The following TESK2 variants were observed in gnomAD, a reference collection of about 807,000 sequenced individuals.
The protein encoded by TESK2 is dual specificity testis-specific protein kinase 2.
Under a neutral mutation model 57.1 loss-of-function variants are expected in TESK2, and 39 were observed. The observed-to-expected ratio is 0.68, with a 90% CI of 0.53 to 0.89. The LOEUF is 0.89. TESK2 is among the 40% of genes least tolerant of loss of function. The probability of loss-of-function intolerance (pLI) is 0.00; values close to 1 mark genes in which losing one functional copy is unlikely to be tolerated. For missense variants in TESK2, 646 were observed against 732.1 expected (o/e 0.88, Z 1.36); for synonymous variants, 249 against 267.9 (o/e 0.93, Z 0.69).
intron 2 of TESK2, among the ~76,000 whole-genome samples, chr1:45,450,251 C>A (rs1422501031): frequency 6.6e-6 from 1 of 152,176 alleles, no homozygotes; most frequent in East Asian, 1.9e-4. Context: ...GTGGCTCACG[C>A]CTGTAATCCC....
chr1:45,343,885 C>T lies in TESK2; in HGVS notation c.*955G>A, dbSNP rs539540614. The T allele has an allele frequency of 4.1e-5, 23 of 554,716 alleles. No individual in the cohort carries two copies. In the South Asian group the frequency reaches 8.2e-4, roughly 20 times the overall value. The allele number at this position is 554,716 out of a possible 1,614,324, so 34.4% of individuals were successfully genotyped here. ...GTACAAGTAAGAAGGCTGACCAGCA[C>T]CTGTAACACTGACTTTATTTTTAAG... On this transcript the variant is annotated 3_prime_UTR_variant, in exon 11 of 11. Transcript: ENST00000372086. This position sits in a 1 kb window ranked among gnomAD's most constrained non-coding sequence, Gnocchi z 4.3.
At chr1:45,442,240 T>C (rs1396216844) in intron 2 of TESK2, among the ~76,000 whole-genome samples, 1 of 152,126 alleles carries the variant, frequency 6.6e-6, no homozygotes, top group East Asian at 1.9e-4. Flanking sequence ...CTGGCCAAAA[T>C]TGTTCATTTT....
rs750074178 is a variant in TESK2, at chr1:45,435,562, ATTTT to A, written c.223-13720_223-13717del. 4.8e-4 allele frequency among the ~76,000 whole-genome samples: 33 copies of A among 68,870 alleles called. No individual in the cohort carries two copies. In the East Asian group the frequency reaches 0.01, roughly 21 times the overall value. 45.2% of individuals were successfully genotyped at this position (68,870 alleles called of 152,430 possible). A position where few individuals can be genotyped will look rare whatever the true frequency, so the allele number is the denominator to read the frequency against. On this transcript the variant is annotated intron_variant, in intron 2 of 10. Transcript: ENST00000372086. ...TATAGGTGTAAGCCACTGTGGTCTA[ATTTT>A]TTTTTTTTTTTTTTTTTTTTTTGTA... is the stretch of plus-strand genomic sequence containing the variant.
chr1:45,438,827 T>C (rs952970586), intron 2 of TESK2, among the ~76,000 whole-genome samples: 5 of 152,092 alleles, frequency 3.3e-5, no homozygotes, highest in Non-Finnish European at 7.4e-5. Flanking sequence ...CAGAAAGGCA[T>C]ACAGAGAAAT....
chr1:45,354,837 T>C (rs201327551), intron 5 of TESK2, among the ~76,000 whole-genome samples: 3 of 98,186 alleles, frequency 3.1e-5, no homozygotes, highest in African/African-American at 4.0e-5. Context: ...TATATATATA[T>C]ATATATATAT....
chr1:45,454,774 A>G (rs1372105649), intron 2 of TESK2, among the ~76,000 whole-genome samples: 2 of 152,198 alleles, frequency 1.3e-5, no homozygotes, highest in Non-Finnish European at 2.9e-5. Flanking sequence ...CACCATCGAC[A>G]GATAAAATAT....
intron 3 of TESK2, among the ~76,000 whole-genome samples, chr1:45,397,250 A>C (rs1649408063): frequency 6.6e-6 from 1 of 152,198 alleles, no homozygotes; most frequent in Non-Finnish European, 1.5e-5. Context: ...CATACCAATA[A>C]AGAAACTGAG....
chr1:45,417,007 C>T (rs535558785), intron 3 of TESK2, among the ~76,000 whole-genome samples: 2 of 151,826 alleles, frequency 1.3e-5, no homozygotes, highest in African/African-American at 2.4e-5. Context: ...AGGATGGTCT[C>T]GATCTCTTGA....
rs186492729 is a variant in TESK2 at position 45,437,897 on chromosome 1, G to A, written c.223-16051C>T. On this transcript the variant is annotated intron_variant, in intron 2 of 10. Coordinates refer to ENST00000372086, the MANE Select transcript of TESK2 (RefSeq NM_007170.3). ...TTCTTGGTTACAGACACACATAAGT[G>A]TTGCTCATAGATGTTGGGGTTTGGG... Among the ~76,000 whole-genome samples, 15 of 152,326 alleles carry A rather than the reference G, an allele frequency of 9.8e-5. No homozygotes were observed. In the East Asian group the frequency reaches 2.5e-3, roughly 25 times the overall value.
chr1:45,384,839 G>T (rs1230331710), intron 4 of TESK2, among the ~76,000 whole-genome samples: 1 of 151,818 alleles, frequency 6.6e-6, no homozygotes. Flanking sequence ...ATGTAATCAA[G>T]ACTTCAGAGG....
chr1:45,464,500 T>A (rs1408576723), intron 1 of TESK2, among the ~76,000 whole-genome samples: 1 of 152,186 alleles, frequency 6.6e-6, no homozygotes, highest in Non-Finnish European at 1.5e-5. Flanking sequence ...TCCTAGGTAT[T>A]TTATCCTATT....
At chr1:45,394,144 GT>G (rs1460567017) in intron 3 of TESK2, among the ~76,000 whole-genome samples, 1 of 151,536 alleles carries the variant, frequency 6.6e-6, no homozygotes, top group African/African-American at 2.4e-5. Flanking sequence ...GAGAAGGAGG[GT>G]TGCTTTTTTT....
At chr1:45,384,751 C>T in intron 4 of TESK2, among the ~76,000 whole-genome samples, 1 of 151,538 alleles carries the variant, frequency 6.6e-6, no homozygotes, top group African/African-American at 2.4e-5. Context: ...TATCTAAACT[C>T]CCTGGGGCAG....
At chr1:45,358,211 G>T (rs528671319) in intron 4 of TESK2, among the ~76,000 whole-genome samples, 2 of 151,818 alleles carry the variant, frequency 1.3e-5, no homozygotes, top group East Asian at 1.9e-4. Flanking sequence ...TACTCGGGAA[G>T]TTGAGGCAGG....
At chr1:45,412,133 G>A (rs1650059707) in intron 3 of TESK2, among the ~76,000 whole-genome samples, 1 of 152,200 alleles carries the variant, frequency 6.6e-6, no homozygotes, top group African/African-American at 2.4e-5. Flanking sequence ...TTAACTGTCA[G>A]TCTAAATAAT....
chr1:45,398,982 T>TCA, intron 3 of TESK2: 1 of 74,166 alleles, frequency 1.3e-5, no homozygotes, highest in Non-Finnish European at 2.5e-5. Flanking sequence ...GACTAGGACC[T>TCA]GAAAAAAAAA....
intron 3 of TESK2, among the ~76,000 whole-genome samples, chr1:45,420,126 T>C (rs1464551387): frequency 6.6e-6 from 1 of 152,162 alleles, no homozygotes; most frequent in Non-Finnish European, 1.5e-5. Context: ...AATTAAATTG[T>C]CTTATTTGGT....
chr1:45,356,639 TAGTG>T (rs1194616909), intron 4 of TESK2, among the ~76,000 whole-genome samples: 2 of 136,518 alleles, frequency 1.5e-5, no homozygotes, highest in African/African-American at 2.7e-5. Flanking sequence ...AAAAAAAAGA[TAGTG>T]AGTTCAGCTG....
intron 4 of TESK2, among the ~76,000 whole-genome samples, chr1:45,365,677 C>CT (rs34671575): frequency 0.049 from 5,207 of 106,776 alleles, 293 homozygotes; most frequent in South Asian, 0.084. Flanking sequence ...CCACGCCCGG[C>CT]TTTTTTTTTT....
Sources: allele counts gnomAD v4.1 joint callset (sites outside exome capture counted in the v4.1 genomes callset), GRCh38; gene constraint gnomAD v4.1.1; non-coding constraint Gnocchi (gnomAD v3.1); transcripts MANE v1.5; gene names NCBI Gene and HGNC (gene_info 2026-07-23, HGNC 2026-07-21).